GARRE1: variants seen among roughly 807,000 people sequenced by gnomAD.
GARRE1 encodes granule associated Rac and RHOG effector protein 1.
GARRE1 carries 49 observed loss-of-function variants against 103.2 expected under a neutral mutation model. The ratio of observed to expected loss-of-function variants is 0.47; its 90% confidence interval spans 0.38 to 0.60. GARRE1 has a LOEUF of 0.60. Among genes scored for constraint, GARRE1 ranks in the 20% least tolerant of loss-of-function variants. The pLI is 0.00. For missense variants in GARRE1, 1,199 were observed against 1,370.5 expected, an observed-to-expected ratio of 0.87 and a Z score of 1.98; for synonymous variants, 505 against 532.8, an observed-to-expected ratio of 0.95 and a Z score of 0.72.
At chr19:34,348,421 C>T (rs910367545) in intron 11 of GARRE1, 42 of 172,250 alleles carry the variant, frequency 2.4e-4, no homozygotes. Flanking sequence ...TCATTATAGC[C>T]TATGAAAAGC....
chr19:34,277,434 C>T (rs1239388616), intron 1 of GARRE1, among the ~76,000 whole-genome samples: 1 of 152,136 alleles, frequency 6.6e-6, no homozygotes. Flanking sequence ...ATGAACAATA[C>T]GTTTGAAAAG....
chr19:34,259,469 G>T (rs952203145), intron 1 of GARRE1, among the ~76,000 whole-genome samples: 1 of 152,166 alleles, frequency 6.6e-6, no homozygotes, highest in Admixed American at 6.5e-5. Flanking sequence ...TTTACTGGAA[G>T]ATCAGAATAC....
At chr19:34,329,797 G>A (rs328400) in intron 6 of GARRE1, among the ~76,000 whole-genome samples, 114,705 of 151,746 alleles carry the variant, frequency 0.76, 43,864 homozygotes, top group Admixed American at 0.8. Context: ...GATTGTGCCA[G>A]TGCACTCCAG....
Position 34,272,478 on chromosome 19 carries a change from C to T in GARRE1, c.-796+17864C>T, listed in dbSNP as rs1599749447. On this transcript the variant is annotated intron_variant, in intron 1 of 13. Coordinates refer to ENST00000299505, the MANE Select transcript of GARRE1 (RefSeq NM_014686.5). ...CCTCCCAAAGTGCTGGGATTACAGG[C>T]GTGAGCTACCGTGCCCTGGCCATGA... Among the ~76,000 whole-genome samples the T allele has an allele frequency of 1.3e-5, 2 of 152,116 alleles. 1 individual carries two copies. The highest frequency in any genetic ancestry group is 2.9e-5 in the Non-Finnish European group (2 of 68,034).
chr19:34,309,049 T>G lies in GARRE1; in HGVS notation c.495+8081T>G, dbSNP rs184182465. Among the ~76,000 whole-genome samples the G allele has an allele frequency of 2.0e-5, 3 of 150,988 alleles. No individual in the cohort carries two copies. The East Asian group carries it at 5.8e-4, about 29-fold the overall frequency. On this transcript the variant is annotated intron_variant, in intron 2 of 13. Coordinates refer to ENST00000299505, the MANE Select transcript of GARRE1 (RefSeq NM_014686.5). Reference sequence around the variant, plus strand: ...AGCAAGAACCGCACAACACATCTAATATTAATAATATTCTACTTCTCCCTC... The same window carrying G: ...AGCAAGAACCGCACAACACATCTAAGATTAATAATATTCTACTTCTCCCTC...
At chr19:34,285,926 C>G (rs1466545031) in intron 1 of GARRE1, among the ~76,000 whole-genome samples, 1 of 152,186 alleles carries the variant, frequency 6.6e-6, no homozygotes, top group Admixed American at 6.5e-5. Context: ...TTTCTCTCTG[C>G]TTGGGTAGGA....
chr19:34,338,278 G>A (rs779728920), intron 8 of GARRE1, among the ~76,000 whole-genome samples: 16 of 152,038 alleles, frequency 1.1e-4, no homozygotes, highest in East Asian at 1.9e-4. Flanking sequence ...GCTCACACCC[G>A]TAATCCTAGC....
At chr19:34,278,954 C>T in intron 1 of GARRE1, among the ~76,000 whole-genome samples, 1 of 152,172 alleles carries the variant, frequency 6.6e-6, no homozygotes, top group East Asian at 1.9e-4. Flanking sequence ...CAGGCATGAG[C>T]CACTGCTTCC....
At chr19:34,345,912 CCTA>C (rs2074208653) in intron 10 of GARRE1, among the ~76,000 whole-genome samples, 1 of 152,238 alleles carries the variant, frequency 6.6e-6, no homozygotes, top group African/African-American at 2.4e-5. Context: ...GACTACAAAT[CCTA>C]CTCTTTCCCT....
intron 1 of GARRE1, among the ~76,000 whole-genome samples, chr19:34,291,741 A>G (rs374566370): frequency 6.6e-6 from 1 of 152,228 alleles, no homozygotes; most frequent in East Asian, 1.9e-4. Context: ...TTAAGTTTCC[A>G]ATACAAGAAC....
intron 1 of GARRE1, among the ~76,000 whole-genome samples, chr19:34,271,799 TGCTCTA>T (rs1445906631): frequency 1.3e-5 from 2 of 151,804 alleles, no homozygotes; most frequent in African/African-American, 4.8e-5. Flanking sequence ...CGTGCCACTG[TGCTCTA>T]GCCTGGGGCA....
At chr19:34,320,618 T>A (rs1168505688) in intron 3 of GARRE1, among the ~76,000 whole-genome samples, 1 of 152,194 alleles carries the variant, frequency 6.6e-6, no homozygotes, top group Non-Finnish European at 1.5e-5. Flanking sequence ...GGGCGAGAGC[T>A]CAGTGGACAC....
chr19:34,286,695 G>T (rs2073888965), intron 1 of GARRE1, among the ~76,000 whole-genome samples: 2 of 150,814 alleles, frequency 1.3e-5, no homozygotes, highest in Admixed American at 6.6e-5. Context: ...TAGGGATGGG[G>T]TTTCATCGTG....
At chr19:34,283,814 GTTTC>G (rs200393326) in intron 1 of GARRE1, among the ~76,000 whole-genome samples, 122 of 148,154 alleles carry the variant, frequency 8.2e-4, no homozygotes, top group African/African-American at 1.6e-3. Flanking sequence ...TCTTCATCTA[GTTTC>G]TTTCTTTCTT....
chr19:34,300,748 G>C lies in GARRE1; in HGVS notation c.275G>C (p.Arg92Pro). 1 of 1,614,170 alleles carries C rather than the reference G, an allele frequency of 6.2e-7. No individual in the cohort carries two copies. Among genetic ancestry groups the C allele is most frequent in the Non-Finnish European group, 8.5e-7 (1 of 1,180,030 alleles). Residue 92 changes from arginine to proline, a missense_variant, in exon 2 of 14, where the codon CGT becomes CCT. Physicochemically the swap from Arg to Pro is moderately radical, Grantham distance 103. Transcript: ENST00000299505. ...CTGGATGCCCTGAACGTCTTCTGCC[G>C]TGCCAGTACTTTCCTCACAGATCTC... ...KYLDALNVFC[R>P]ASTFLTDLFS...
intron 1 of GARRE1, among the ~76,000 whole-genome samples, chr19:34,274,731 A>T (rs903271216): frequency 5.3e-5 from 8 of 152,336 alleles, no homozygotes; most frequent in African/African-American, 1.9e-4. Context: ...GAGGAGGAGT[A>T]GCTCAAAGGG....
In GARRE1 at chr19:34,341,547, A is replaced by T; in HGVS notation, c.1613A>T (p.Lys538Ile). The T allele has an allele frequency of 6.2e-7, 1 of 1,614,170 alleles. No homozygotes were observed. Among genetic ancestry groups the T allele is most frequent in the South Asian group, 1.1e-5 (1 of 91,074 alleles). The change falls in exon 10 of 14, where the codon AAA (lysine) becomes ATA (isoleucine). Residue 538 changes from lysine to isoleucine, a missense_variant. Coordinates refer to ENST00000299505, the MANE Select transcript of GARRE1 (RefSeq NM_014686.5). ...GGTGGCCTGCAGAAGACATTCTCCA[A>T]ACTGACATCCCGGTTCACCAAGAAA... ...SSGGLQKTFS[K>I]LTSRFTKKAS...
chr19:34,290,031 T>A (rs1486912639), intron 1 of GARRE1, among the ~76,000 whole-genome samples: 1 of 152,148 alleles, frequency 6.6e-6, no homozygotes, highest in Non-Finnish European at 1.5e-5. Context: ...TATGTCCTGA[T>A]AAACCTCTCA....
At chr19:34,286,476 C>T (rs1316640640) in intron 1 of GARRE1, among the ~76,000 whole-genome samples, 2 of 150,732 alleles carry the variant, frequency 1.3e-5, no homozygotes, top group African/African-American at 4.9e-5. Context: ...ACTTTGGCCT[C>T]CCAAAGTGCT....
Sources: gnomAD v4.1 joint callset for allele counts (sites outside exome capture counted in the v4.1 genomes callset) on GRCh38, gnomAD v4.1.1 for gene constraint, MANE v1.5 for transcripts, NCBI Gene and HGNC (gene_info 2026-07-23, HGNC 2026-07-21) for gene names.